The following FANCM variants were observed in gnomAD, a reference collection of about 807,000 sequenced individuals.
The protein encoded by FANCM is Fanconi anemia group M protein.
A neutral mutation model predicts 199.5 loss-of-function variants in FANCM; 140 were observed. The observed-to-expected ratio is 0.70, with a 90% CI of 0.61 to 0.81. FANCM has a LOEUF of 0.81. FANCM is among the 30% of genes least tolerant of loss of function. FANCM has a pLI of 0.00. For missense variants in FANCM, 2,410 were observed against 2,421.4 expected, an observed-to-expected ratio of 1.00 and a Z score of 0.10; for synonymous variants, 840 against 836.8, an observed-to-expected ratio of 1.00 and a Z score of -0.07.
At chr14:45,192,694 T>C (rs1025218254) in intron 20 of FANCM, among the ~76,000 whole-genome samples, 14 of 152,022 alleles carry the variant, frequency 9.2e-5, no homozygotes, top group African/African-American at 3.4e-4. Context: ...CCTGGCATGC[T>C]GGTGCATACC....
At chr14:45,147,791 G>A (rs62000275) in intron 3 of FANCM, among the ~76,000 whole-genome samples, 4,069 of 151,930 alleles carry the variant, frequency 0.027, 84 homozygotes, top group Non-Finnish European at 0.039. Flanking sequence ...TATTCAAGAG[G>A]CTGAGGCAGG....
chr14:45,159,800 A>C lies in FANCM; in HGVS notation c.1581+520A>C, dbSNP rs112591631. ...AGCCTTATGCTCTGAGTAAGAGGAC[A>C]TTCGGTTTTCTAAGTGCTGTGATGT... On this transcript the variant is annotated intron_variant, in intron 9 of 22. Transcript: ENST00000267430. Among the ~76,000 whole-genome samples the C allele has an allele frequency of 9.4e-3, 1,432 of 152,218 alleles. 35 individuals are homozygous for C. Among genetic ancestry groups the C allele is most frequent in the African/African-American group, 0.033 (1,375 of 41,564 alleles).
At chr14:45,189,832 G>C (rs925146701) in intron 20 of FANCM, among the ~76,000 whole-genome samples, 4 of 152,028 alleles carry the variant, frequency 2.6e-5, no homozygotes, top group African/African-American at 9.7e-5. Context: ...GCCAGGTGTG[G>C]TTGCGTATCC....
At chr14:45,167,637 T>C (rs959170626) in intron 11 of FANCM, among the ~76,000 whole-genome samples, 1 of 152,202 alleles carries the variant, frequency 6.6e-6, no homozygotes, top group African/African-American at 2.4e-5. Flanking sequence ...TCATAGTTTA[T>C]CCCATATTTA....
intron 22 of FANCM, among the ~76,000 whole-genome samples, chr14:45,199,288 T>C (rs1308015012): frequency 6.6e-6 from 1 of 152,214 alleles, no homozygotes; most frequent in African/African-American, 2.4e-5. Flanking sequence ...TTATATTGCT[T>C]GAAGAGGGAG....
In FANCM at chr14:45,159,238, A is replaced by G. The variant is rs886050499; in HGVS notation, c.1539A>G (p.Ser513=). The G allele has an allele frequency of 7.4e-6, 12 of 1,613,896 alleles. No individual in the cohort carries two copies. The highest frequency in any genetic ancestry group is 1.0e-5 in the Non-Finnish European group (12 of 1,179,828). ...TAATGACTTTTGTCGGCCATGCCTC[A>G]GGGAAAAGCACGAAGGGTTTTACCC... The part of the protein sequence containing the change: ...IRVMTFVGHA[S]GKSTKGFTQK... The change falls in exon 9 of 23, where the codon TCA becomes TCG. Residue 513 remains serine, a synonymous_variant. Transcript: ENST00000267430.
intron 14 of FANCM, among the ~76,000 whole-genome samples, chr14:45,177,802 C>T (rs763928264): frequency 6.3e-4 from 96 of 151,944 alleles, no homozygotes; most frequent in Middle Eastern, 3.4e-3. Flanking sequence ...ATGATGAAAG[C>T]GAGGGGAAAG....
Position 45,170,829 on chromosome 14 carries a change from A to G in FANCM, c.2160+83A>G, listed in dbSNP as rs572071156. On this transcript the variant is annotated intron_variant, in intron 12 of 22. Coordinates refer to ENST00000267430, the MANE Select transcript of FANCM (RefSeq NM_020937.4). ...CCCTCAGATGTTCTTTATAATGATCAAGCAATAGCTTTGGGAATAATGAGA... is the reference window on the plus strand; with the variant it reads ...CCCTCAGATGTTCTTTATAATGATCGAGCAATAGCTTTGGGAATAATGAGA... 13 of 1,129,188 alleles carry G rather than the reference A, an allele frequency of 1.2e-5. No homozygotes were observed. The Admixed American group carries it at 2.2e-4, about 19-fold the overall frequency. The allele number at this position is 1,129,188 out of a possible 1,614,324, so 69.9% of individuals were successfully genotyped here. A position where few individuals can be genotyped will look rare whatever the true frequency, so the allele number is the denominator to read the frequency against.
chr14:45,188,013 A>G (rs1207082985), intron 19 of FANCM, 126 bp downstream of exon 19: 1 of 667,432 alleles, frequency 1.5e-6, no homozygotes, highest in African/African-American at 1.8e-5. Flanking sequence ...ATTTCTGCCC[A>G]AAGTCAGGAA....
chr14:45,137,009 T>C, intron 1 of FANCM, 60 bp from the exon 2 acceptor site: 1 of 1,297,956 alleles, frequency 7.7e-7, no homozygotes, highest in South Asian at 1.2e-5. Flanking sequence ...AGCCAGACTA[T>C]TTATATTTTA....
intron 11 of FANCM, among the ~76,000 whole-genome samples, chr14:45,168,973 G>A (rs1275796732): frequency 2.0e-5 from 3 of 151,788 alleles, no homozygotes; most frequent in Non-Finnish European, 2.9e-5. Context: ...CCAGGCTGGA[G>A]TGCAGTGGCA....
Position 45,176,716 on chromosome 14 carries a change from T to A in FANCM, c.3962T>A (p.Leu1321Ter). Residue 1321 changes from leucine to a stop codon, truncating the protein, a stop_gained, in exon 14 of 23, where the codon TTA (leucine) becomes TAA (stop). Coordinates refer to ENST00000267430, the MANE Select transcript of FANCM (RefSeq NM_020937.4). LOFTEE classifies it high-confidence loss of function. Reference sequence around the variant, plus strand: ...AGTGCAGCAAAAAATGAAGAATTGTTATCTCCTGGTTATTCTCAGTTTTCT... The same window carrying A: ...AGTGCAGCAAAAAATGAAGAATTGTAATCTCCTGGTTATTCTCAGTTTTCT... ...PLSAAKNEEL[L>*]SPGYSQFSLP... 1 of 1,613,664 alleles carries A rather than the reference T, an allele frequency of 6.2e-7. No homozygotes were observed. Among genetic ancestry groups the A allele is most frequent in the Non-Finnish European group, 8.5e-7 (1 of 1,179,762 alleles).
intron 14 of FANCM, 131 bp downstream of exon 14, chr14:45,177,107 G>A: frequency 3.2e-6 from 2 of 625,120 alleles, no homozygotes; most frequent in African/African-American, 1.9e-5. Flanking sequence ...TAATTGATGT[G>A]TTATATTTTT....
Position 45,167,177 on chromosome 14 carries a change from G to A in FANCM, c.2002+14G>A. 6.7e-7 allele frequency: 1 copy of A among 1,501,094 alleles called. No homozygotes were observed. Among genetic ancestry groups the A allele is most frequent in the Non-Finnish European group, 9.3e-7 (1 of 1,077,112 alleles). The allele number at this position is 1,501,094 out of a possible 1,614,324, so 93.0% of individuals were successfully genotyped here. ...CCTATAGGGATGGTAAATAAATTTTGCATTTGACACATGCATTTTTCCCCT... is the reference window on the plus strand; with the variant it reads ...CCTATAGGGATGGTAAATAAATTTTACATTTGACACATGCATTTTTCCCCT... On this transcript the variant is annotated intron_variant, in intron 11 of 22. Transcript: ENST00000267430.
chr14:45,189,836 C>T (rs1044897649), intron 20 of FANCM, among the ~76,000 whole-genome samples: 6 of 151,900 alleles, frequency 3.9e-5, no homozygotes, highest in East Asian at 1.9e-4. Context: ...GGTGTGGTTG[C>T]GTATCCCTGT....
rs944032052 is a variant in FANCM at position 45,192,827 on chromosome 14, T to TA, written c.5341-3333dup. 3.4e-3 allele frequency among the ~76,000 whole-genome samples: 482 copies of TA among 141,932 alleles called. 2 individuals carry two copies. The highest frequency in any genetic ancestry group is 0.011 in the Middle Eastern group (3 of 274). 93.1% of individuals were successfully genotyped at this position (141,932 alleles called of 152,430 possible). On this transcript the variant is annotated intron_variant, in intron 20 of 22. Coordinates refer to ENST00000267430, the MANE Select transcript of FANCM (RefSeq NM_020937.4). ...CTGGGCAACAAAATGAGACTCTGTC[T>TA]AAAAAAAAAAAATTAAAAAAAAATT...
At chr14:45,173,292 A>C (rs544374437) in intron 13 of FANCM, 82 bp downstream of exon 13, 5 of 1,256,050 alleles carry the variant, frequency 4.0e-6, no homozygotes, top group Non-Finnish European at 5.8e-6. Context: ...AATTTGAAGT[A>C]ATAAGAAATA....
intron 14 of FANCM, among the ~76,000 whole-genome samples, chr14:45,180,437 T>A (rs1888992541): frequency 6.6e-6 from 1 of 151,852 alleles, no homozygotes; most frequent in Non-Finnish European, 1.5e-5. Context: ...GTGGTGTTTT[T>A]TTTTTTGTTT....
At chr14:45,159,367 C>T in intron 9 of FANCM, 87 bp downstream of exon 9, 1 of 873,490 alleles carries the variant, frequency 1.1e-6, no homozygotes, top group Non-Finnish European at 1.8e-6. Flanking sequence ...ACTCACTGGT[C>T]AATTAGCTAC....
Sources: gnomAD v4.1 joint callset for allele counts (sites outside exome capture counted in the v4.1 genomes callset) on GRCh38, gnomAD v4.1.1 for gene constraint, MANE v1.5 for transcripts, NCBI Gene and HGNC (gene_info 2026-07-23, HGNC 2026-07-21) for gene names.